Variants in GAB1 observed in about 807,000 individuals in gnomAD.
GAB1 encodes GRB2 associated binding protein 1.
A neutral mutation model predicts 66.5 loss-of-function variants in GAB1; 19 were observed. That is an observed-to-expected ratio of 0.29 (90% confidence interval 0.20 to 0.42). The LOEUF is 0.42. Ranked by LOEUF, GAB1 falls within the 10% of genes least tolerant of loss-of-function variation. GAB1 has a pLI of 1.00. For synonymous variants in GAB1, 294 were observed against 301.4 expected, an observed-to-expected ratio of 0.98 and a Z score of 0.25; for missense variants, 732 against 858.5, an observed-to-expected ratio of 0.85 and a Z score of 1.84.
At chr4:143,444,875 G>A (rs979154462) in intron 6 of GAB1, among the ~76,000 whole-genome samples, 13 of 152,030 alleles carry the variant, frequency 8.6e-5, no homozygotes, top group Non-Finnish European at 1.5e-4. Context: ...CTGTTCCTGC[G>A]TTTATTTCCT....
chr4:143,439,406 C>G (rs1734105306), intron 4 of GAB1, among the ~76,000 whole-genome samples: 1 of 152,176 alleles, frequency 6.6e-6, no homozygotes, highest in Non-Finnish European at 1.5e-5. Context: ...ACTTATTTCA[C>G]CATTCAATAA....
chr4:143,422,163 T>C (rs973293895), intron 2 of GAB1, among the ~76,000 whole-genome samples: 3 of 152,214 alleles, frequency 2.0e-5, no homozygotes, highest in Admixed American at 1.3e-4. Context: ...TAATGCATAC[T>C]CTTTGTAGAC....
At chr4:143,390,025 C>T (rs931103674) in intron 1 of GAB1, among the ~76,000 whole-genome samples, 1 of 152,180 alleles carries the variant, frequency 6.6e-6, no homozygotes, top group Non-Finnish European at 1.5e-5. Flanking sequence ...CAGTGTTTCA[C>T]AGGCTCTTTC....
intron 1 of GAB1, among the ~76,000 whole-genome samples, chr4:143,384,875 C>T (rs1264570188): frequency 6.6e-6 from 1 of 152,146 alleles, no homozygotes; most frequent in Non-Finnish European, 1.5e-5. Context: ...AGTCACTTAA[C>T]CTTGTGTCAT....
intron 1 of GAB1, among the ~76,000 whole-genome samples, chr4:143,348,614 A>C (rs781322831): frequency 1.3e-5 from 2 of 152,186 alleles, no homozygotes; most frequent in Non-Finnish European, 2.9e-5. Flanking sequence ...GGCCCCTCTT[A>C]GCTGTCTTAT....
intron 1 of GAB1, among the ~76,000 whole-genome samples, chr4:143,343,039 A>C (rs1320622012): frequency 2.0e-5 from 3 of 152,144 alleles, no homozygotes; most frequent in Non-Finnish European, 4.4e-5. Context: ...GTTTTGCTAT[A>C]GTGGAAGGAA....
At chr4:143,384,832 GCA>G (rs1201902194) in intron 1 of GAB1, among the ~76,000 whole-genome samples, 1 of 152,190 alleles carries the variant, frequency 6.6e-6, no homozygotes, top group Non-Finnish European at 1.5e-5. Context: ...CCACATTTTG[GCA>G]TCCTTGAAGT....
In GAB1 at chr4:143,440,225, T is replaced by G; in HGVS notation, c.1428T>G (p.Thr476=). 2 of 1,614,150 alleles carry G rather than the reference T, an allele frequency of 1.2e-6. No individual in the cohort carries two copies. Among genetic ancestry groups the G allele is most frequent in the Non-Finnish European group, 1.7e-6 (2 of 1,180,022 alleles). The part of the protein sequence containing the change: ...PIQEANYVPM[T]PGTFDFSSFG... ...AGGAAGCAAATTATGTGCCAATGACTCCAGGAACATTTGATTTTTCCTCAT... is the reference window on the plus strand; with the variant it reads ...AGGAAGCAAATTATGTGCCAATGACGCCAGGAACATTTGATTTTTCCTCAT... The change falls in exon 6 of 10, where the codon ACT becomes ACG. Residue 476 remains threonine (T), a synonymous_variant. Coordinates refer to ENST00000262994, the MANE Select transcript of GAB1 (RefSeq NM_002039.4).
At chr4:143,432,659 CCTT>C (rs1290152838) in intron 2 of GAB1, among the ~76,000 whole-genome samples, 4 of 152,224 alleles carry the variant, frequency 2.6e-5, no homozygotes, top group Admixed American at 1.3e-4. Context: ...TTATTTATGG[CCTT>C]CTATTCCTAA....
intron 2 of GAB1, among the ~76,000 whole-genome samples, chr4:143,428,798 T>C (rs181902504): frequency 6.6e-5 from 9 of 136,178 alleles, no homozygotes; most frequent in African/African-American, 2.5e-4. Context: ...AATTGAACAA[T>C]GAGAACACTT....
chr4:143,340,147 A>T, intron 1 of GAB1, among the ~76,000 whole-genome samples: 1 of 152,190 alleles, frequency 6.6e-6, no homozygotes, highest in East Asian at 1.9e-4. Flanking sequence ...GGTTTTTGCT[A>T]AAGTAGCTTT....
chr4:143,366,044 C>A (rs1251107129), intron 1 of GAB1, among the ~76,000 whole-genome samples: 1 of 152,126 alleles, frequency 6.6e-6, no homozygotes, highest in Non-Finnish European at 1.5e-5. Flanking sequence ...GGGTGCCTGG[C>A]ACATGTAGGG....
rs1409122482 is a variant in GAB1, at chr4:143,439,854, A to G, written c.1248A>G (p.Arg416=). 3 of 1,613,428 alleles carry G rather than the reference A, an allele frequency of 1.9e-6. No individual in the cohort carries two copies. The highest frequency in any genetic ancestry group is 2.5e-6 in the Non-Finnish European group (3 of 1,179,552). Residue 416 remains arginine, a synonymous_variant, in exon 5 of 10, where the codon AGA becomes AGG. Transcript: ENST00000262994. ...TTCCACGAGCATTTCCAAGTGATAG[A>G]TCTAGTTCACTTGAAGGCTTCCATA... ...YDIPRAFPSD[R]SSSLEGFHNH... is the part of the protein sequence containing the mutation.
intron 4 of GAB1, 26 bp from the exon 5 acceptor site, chr4:143,439,776 T>C: frequency 6.6e-7 from 1 of 1,526,692 alleles, no homozygotes; most frequent in East Asian, 2.3e-5. Context: ...TGGGAATAAA[T>C]GTTGATAGTT....
At chr4:143,355,957 G>A (rs1378353066) in intron 1 of GAB1, among the ~76,000 whole-genome samples, 1 of 151,996 alleles carries the variant, frequency 6.6e-6, no homozygotes, top group Admixed American at 6.6e-5. Context: ...GATTTTTTTT[G>A]GGAACCAGTG....
chr4:143,404,802 G>A (rs1056730381), intron 1 of GAB1, among the ~76,000 whole-genome samples: 2 of 152,190 alleles, frequency 1.3e-5, no homozygotes, highest in African/African-American at 2.4e-5. Context: ...CTAGCCACAT[G>A]TGGCTAAATT....
At chr4:143,434,129 T>C (rs981527553) in intron 3 of GAB1, 1 of 1,291,798 alleles carries the variant, frequency 7.7e-7, no homozygotes, top group Admixed American at 2.3e-5. Context: ...GAGGAATACC[T>C]TCTACTAGAA....
intron 2 of GAB1, among the ~76,000 whole-genome samples, chr4:143,426,470 G>A (rs1357480839): frequency 6.6e-6 from 1 of 152,098 alleles, no homozygotes; most frequent in Non-Finnish European, 1.5e-5. Context: ...TTGAGCCCAG[G>A]AGTTCCAGGC....
At chr4:143,432,956 A>T (rs1405310796) in intron 2 of GAB1, among the ~76,000 whole-genome samples, 1 of 152,196 alleles carries the variant, frequency 6.6e-6, no homozygotes, top group Non-Finnish European at 1.5e-5. Flanking sequence ...CTTGAACATG[A>T]ATAGACTTTA....
Sources: gnomAD v4.1 joint callset for allele counts (sites outside exome capture counted in the v4.1 genomes callset) on GRCh38, gnomAD v4.1.1 for gene constraint, MANE v1.5 for transcripts, NCBI Gene and HGNC (gene_info 2026-07-23, HGNC 2026-07-21) for gene names.